SLC35F1: variants seen among roughly 807,000 people sequenced by gnomAD.
SLC35F1 encodes chromosome 6 open reading frame 169.
A neutral mutation model predicts 48.7 loss-of-function variants in SLC35F1; 14 were observed. The ratio of observed to expected loss-of-function variants is 0.29; its 90% CI spans 0.19 to 0.45. The LOEUF is 0.45. Among genes scored for constraint, SLC35F1 ranks in the 20% least tolerant of loss-of-function variants. The pLI is 1.00. For synonymous variants in SLC35F1, 190 were observed against 202.2 expected (o/e 0.94, Z 0.51); for missense variants, 404 against 500.0 (o/e 0.81, Z 1.83).
chr6:118,227,056 C>T (rs1412776497), intron 2 of SLC35F1, among the ~76,000 whole-genome samples: 3 of 152,142 alleles, frequency 2.0e-5, no homozygotes. Flanking sequence ...TGGGTGACAG[C>T]CCACTGCGGA....
At chr6:118,220,819 G>C (rs1582736748) in intron 2 of SLC35F1, among the ~76,000 whole-genome samples, 1 of 152,216 alleles carries the variant, frequency 6.6e-6, no homozygotes, top group African/African-American at 2.4e-5. Context: ...GCACTGGCTT[G>C]TTTTGTGTTA....
chr6:118,110,201 C>T (rs1334830), intron 1 of SLC35F1, among the ~76,000 whole-genome samples: 20,032 of 152,064 alleles, frequency 0.13, 1,336 homozygotes, highest in South Asian at 0.28. Context: ...CTCACAACAG[C>T]AACAACAAAA....
chr6:117,988,566 G>C (rs1282517043), intron 1 of SLC35F1, among the ~76,000 whole-genome samples: 1 of 152,160 alleles, frequency 6.6e-6, no homozygotes, highest in Non-Finnish European at 1.5e-5. Context: ...AGCCAGAAGT[G>C]TGAAAGTTGT....
At chr6:117,934,460 T>C (rs1170474418) in intron 1 of SLC35F1, among the ~76,000 whole-genome samples, 1 of 152,196 alleles carries the variant, frequency 6.6e-6, no homozygotes, top group African/African-American at 2.4e-5. Flanking sequence ...ATATACTTAA[T>C]AGTCGCAAAA....
chr6:118,160,014 AT>A (rs1479341743), intron 2 of SLC35F1, among the ~76,000 whole-genome samples: 24 of 152,242 alleles, frequency 1.6e-4, no homozygotes, highest in African/African-American at 5.8e-4. Flanking sequence ...CACACCAGCA[AT>A]TTACTCATTG....
At chr6:118,305,774 T>C (rs1341449951) in intron 7 of SLC35F1, among the ~76,000 whole-genome samples, 2 of 152,182 alleles carry the variant, frequency 1.3e-5, no homozygotes, top group Non-Finnish European at 2.9e-5. Context: ...CAGAAGTGTG[T>C]TCATAACAAG....
chr6:118,226,526 C>T (rs892589470), intron 2 of SLC35F1, among the ~76,000 whole-genome samples: 1 of 151,766 alleles, frequency 6.6e-6, no homozygotes, highest in Non-Finnish European at 1.5e-5. Context: ...TATTCAGCCA[C>T]TAAAAGGAAT....
chr6:117,948,836 GA>G (rs1776326377), intron 1 of SLC35F1, among the ~76,000 whole-genome samples: 1 of 152,062 alleles, frequency 6.6e-6, no homozygotes, highest in Non-Finnish European at 1.5e-5. Flanking sequence ...TCACGCAAGA[GA>G]TAATACTCAA....
At chr6:118,020,490 G>A (rs1316974927) in intron 1 of SLC35F1, among the ~76,000 whole-genome samples, 1 of 152,144 alleles carries the variant, frequency 6.6e-6, no homozygotes, top group Non-Finnish European at 1.5e-5. Flanking sequence ...ATGACATGGT[G>A]CCCACACTCA....
intron 7 of SLC35F1, among the ~76,000 whole-genome samples, chr6:118,290,136 A>C (rs771506037): frequency 6.6e-6 from 1 of 152,222 alleles, no homozygotes; most frequent in Non-Finnish European, 1.5e-5. Flanking sequence ...TTCAGGTGTT[A>C]TCTCTTTTTG....
rs59548308 is a variant in SLC35F1, at chr6:118,085,487, C to CTTTTTTTTTTTTTTTTTTTTTTTT, written c.174-68953_174-68930dup. On this transcript the variant is annotated intron_variant, in intron 1 of 7. Coordinates refer to ENST00000360388, the MANE Select transcript of SLC35F1 (RefSeq NM_001029858.4). ...TTTTCTCTTTTTTTTTCTTTCTTTC[C>CTTTTTTTTTTTTTTTTTTTTTTTT]TTTTTTTTTTTTTTTTTTTTTTTTT... Among the ~76,000 whole-genome samples the CTTTTTTTTTTTTTTTTTTTTTTTT allele has an allele frequency of 3.3e-4, 19 of 56,938 alleles. 5 individuals carry two copies. The highest frequency in any genetic ancestry group is 2.3e-3 in the East Asian group (4 of 1,774). 37.4% of individuals were successfully genotyped at this position (56,938 alleles called of 152,430 possible). A position where few individuals can be genotyped will look rare whatever the true frequency, so the allele number is the denominator to read the frequency against.
intron 1 of SLC35F1, among the ~76,000 whole-genome samples, chr6:117,928,893 T>C (rs1414451169): frequency 1.3e-5 from 2 of 152,130 alleles, no homozygotes; most frequent in South Asian, 2.1e-4. Context: ...TCCCATAGAA[T>C]TGATATTTAT....
At position 117,972,809 on chromosome 6, in the gene SLC35F1, A is replaced by C. The variant is rs973688452; in HGVS notation, c.173+64910A>C. On this transcript the variant is annotated intron_variant, in intron 1 of 7. Coordinates refer to ENST00000360388, the MANE Select transcript of SLC35F1 (RefSeq NM_001029858.4). ...TTCAAGATGAAGTTTGGGTGGGGAC[A>C]CAGCCAAATCATATCAGCCACCCAT... Among the ~76,000 whole-genome samples, 5 of 152,202 alleles carry C rather than the reference A, an allele frequency of 3.3e-5. No individual in the cohort carries two copies. In the East Asian group the frequency reaches 9.7e-4, roughly 29 times the overall value.
chr6:117,994,495 C>T (rs996317589), intron 1 of SLC35F1, among the ~76,000 whole-genome samples: 5 of 152,166 alleles, frequency 3.3e-5, no homozygotes, highest in Non-Finnish European at 2.9e-5. Flanking sequence ...TCATAGACCT[C>T]CTCACAAGAG....
intron 2 of SLC35F1, among the ~76,000 whole-genome samples, chr6:118,193,774 T>G (rs1774764539): frequency 6.6e-6 from 1 of 152,152 alleles, no homozygotes; most frequent in South Asian, 2.1e-4. Flanking sequence ...GCTAGGGGTG[T>G]GGCTAACTCC....
intron 1 of SLC35F1, among the ~76,000 whole-genome samples, chr6:117,995,915 AT>A (rs1433662123): frequency 6.6e-6 from 1 of 152,090 alleles, no homozygotes; most frequent in Non-Finnish European, 1.5e-5. Flanking sequence ...GAAAATGCAT[AT>A]TTTCTGTTTT....
At chr6:118,021,854 G>A (rs1777400271) in intron 1 of SLC35F1, among the ~76,000 whole-genome samples, 1 of 152,170 alleles carries the variant, frequency 6.6e-6, no homozygotes, top group Non-Finnish European at 1.5e-5. Flanking sequence ...GATAATCTAA[G>A]ATGGTCTCTC....
chr6:118,050,024 A>G (rs1005110339), intron 1 of SLC35F1, among the ~76,000 whole-genome samples: 1 of 152,210 alleles, frequency 6.6e-6, no homozygotes, highest in South Asian at 2.1e-4. Flanking sequence ...ACCATGGAAT[A>G]CTATGCAGCC....
rs73516128 is a variant in SLC35F1, at chr6:118,288,892, C to A, written c.1002+3554C>A. Among the ~76,000 whole-genome samples the A allele has an allele frequency of 9.0e-3, 1,376 of 152,168 alleles. 22 individuals are homozygous for A. The highest frequency in any genetic ancestry group is 0.032 in the African/African-American group (1,309 of 41,508). Reference sequence around the variant, plus strand: ...CTTGCCAAACTGCAGTACAAAAAAACCCCACAAAACGGTAGTACAATACCA... The same window carrying A: ...CTTGCCAAACTGCAGTACAAAAAAAACCCACAAAACGGTAGTACAATACCA... On this transcript the variant is annotated intron_variant, in intron 7 of 7. Coordinates refer to ENST00000360388, the MANE Select transcript of SLC35F1 (RefSeq NM_001029858.4).
Sources: gnomAD v4.1 joint callset for allele counts (sites outside exome capture counted in the v4.1 genomes callset) on GRCh38, gnomAD v4.1.1 for gene constraint, MANE v1.5 for transcripts, NCBI Gene and HGNC (gene_info 2026-07-23, HGNC 2026-07-21) for gene names.